The following CAPRIN1 variants were observed in gnomAD, a reference collection of about 807,000 sequenced individuals.
The protein encoded by CAPRIN1 is caprin-1.
A neutral mutation model predicts 100.9 loss-of-function variants in CAPRIN1; 29 were observed. The observed-to-expected ratio is 0.29, with a 90% confidence interval of 0.21 to 0.39. The LOEUF is 0.39. Among genes scored for constraint, CAPRIN1 ranks in the 10% least tolerant of loss-of-function variants. The pLI, the probability that CAPRIN1 is intolerant of heterozygous loss-of-function variation, is 1.00. For synonymous variants in CAPRIN1, 338 were observed against 307.5 expected, an observed-to-expected ratio of 1.10 and a Z score of -1.04; for missense variants, 795 against 876.7, an observed-to-expected ratio of 0.91 and a Z score of 1.18.
chr11:34,085,161 A>G (rs1189271475), intron 9 of CAPRIN1, among the ~76,000 whole-genome samples: 1 of 152,228 alleles, frequency 6.6e-6, no homozygotes, highest in Non-Finnish European at 1.5e-5. Context: ...TTGATGTAAT[A>G]AAAGATAGGA....
In CAPRIN1 at chr11:34,095,513, T is replaced by C. The variant is rs149589974; in HGVS notation, c.1706-966T>C. Reference sequence around the variant, plus strand: ...TAGGATTCTAACAACTATTAATGTATTTGGAGTTTCTTAAGGGTGTAAAAT... The same window carrying C: ...TAGGATTCTAACAACTATTAATGTACTTGGAGTTTCTTAAGGGTGTAAAAT... On this transcript the variant is annotated intron_variant, in intron 15 of 18. Coordinates refer to ENST00000341394, the MANE Select transcript of CAPRIN1 (RefSeq NM_005898.5). 1.5e-3 allele frequency among the ~76,000 whole-genome samples: 226 copies of C among 152,296 alleles called. 2 individuals are homozygous for C. The highest frequency in any genetic ancestry group is 5.3e-3 in the African/African-American group (219 of 41,560).
At chr11:34,079,129 G>A (rs1015478004) in intron 6 of CAPRIN1, among the ~76,000 whole-genome samples, 7 of 152,142 alleles carry the variant, frequency 4.6e-5, no homozygotes, top group Admixed American at 2.0e-4. Flanking sequence ...AGTTCAGGCC[G>A]GGCATGGTGG....
At chr11:34,097,382 A>G (rs936765663) in intron 17 of CAPRIN1, 86 bp downstream of exon 17, 4 of 1,140,818 alleles carry the variant, frequency 3.5e-6, no homozygotes, top group Non-Finnish European at 5.2e-6. Flanking sequence ...AACCTAAGTA[A>G]CTAATTTGGC....
In CAPRIN1 at chr11:34,076,480, A is replaced by C; in HGVS notation, c.605+6A>C. 1 of 1,610,786 alleles carries C rather than the reference A, an allele frequency of 6.2e-7. No homozygotes were observed. The highest frequency in any genetic ancestry group is 1.7e-5 in the Admixed American group (1 of 60,022). On this transcript the variant is annotated splice_donor_region_variant and intron_variant, in intron 5 of 18. Coordinates refer to ENST00000341394, the MANE Select transcript of CAPRIN1 (RefSeq NM_005898.5). The stretch of plus-strand genomic sequence containing the variant: ...GAACGGGACATGAGCTTGAGGTATT[A>C]GTGGTATTTGATAATAGAAACTTCT...
chr11:34,058,437 T>C (rs1850502716), intron 2 of CAPRIN1, among the ~76,000 whole-genome samples: 1 of 152,186 alleles, frequency 6.6e-6, no homozygotes, highest in Non-Finnish European at 1.5e-5. Context: ...ACACCCGGCC[T>C]CTTAAATAAT....
chr11:34,099,516 A>G lies in CAPRIN1; in HGVS notation c.*149A>G, dbSNP rs575973278. On this transcript the variant is annotated 3_prime_UTR_variant, in exon 19 of 19. Coordinates refer to ENST00000341394, the MANE Select transcript of CAPRIN1 (RefSeq NM_005898.5). ...TTCATCCCATAAAGACAGGACTACA[A>G]TTGTCAGCTTTCTATTACCTGGATA... is the stretch of plus-strand genomic sequence containing the variant. The G allele has an allele frequency of 2.1e-5, 14 of 666,268 alleles. No homozygotes were observed. The highest frequency in any genetic ancestry group is 1.9e-4 in the East Asian group (7 of 36,580). The allele number at this position is 666,268 out of a possible 1,614,324, so 41.3% of individuals were successfully genotyped here.
chr11:34,067,688 A>G (rs1006426379), intron 2 of CAPRIN1, among the ~76,000 whole-genome samples: 3 of 152,088 alleles, frequency 2.0e-5, no homozygotes, highest in Admixed American at 6.6e-5. Context: ...TTGTAGAGAC[A>G]GGTTCTCACT....
At chr11:34,062,589 C>G (rs1380381234) in intron 2 of CAPRIN1, among the ~76,000 whole-genome samples, 8 of 143,278 alleles carry the variant, frequency 5.6e-5, no homozygotes, top group Non-Finnish European at 1.0e-4. Flanking sequence ...CACGCCACTG[C>G]ACTCCAGCCT....
At chr11:34,057,471 T>C (rs1850476445) in intron 2 of CAPRIN1, among the ~76,000 whole-genome samples, 1 of 152,186 alleles carries the variant, frequency 6.6e-6, no homozygotes, top group South Asian at 2.1e-4. Context: ...GTGGCAGATA[T>C]TTGAGAATGC....
At chr11:34,052,910 G>C (rs772994728) in intron 2 of CAPRIN1, 20 of 1,307,554 alleles carry the variant, frequency 1.5e-5, no homozygotes, top group Non-Finnish European at 1.9e-5. Flanking sequence ...CGGCTTTTTG[G>C]CCTTTAGGAG....
At chr11:34,053,460 G>C (rs781278557) in intron 2 of CAPRIN1, 2 of 152,818 alleles carry the variant, frequency 1.3e-5, no homozygotes. Context: ...GGCACATGGA[G>C]AGAGCGTCTA....
chr11:34,069,626 G>C (rs1406661354), intron 2 of CAPRIN1, among the ~76,000 whole-genome samples: 1 of 151,874 alleles, frequency 6.6e-6, no homozygotes, highest in African/African-American at 2.4e-5. Flanking sequence ...TTCTGCACCT[G>C]GGGTCAGGTC....
intron 9 of CAPRIN1, 83 bp downstream of exon 9, chr11:34,083,124 T>A (rs954417501): frequency 4.4e-6 from 4 of 912,646 alleles, no homozygotes; most frequent in Non-Finnish European, 5.4e-6. Context: ...ATTAAGATTG[T>A]TTTTTGCATT....
intron 13 of CAPRIN1, 56 bp downstream of exon 13, chr11:34,090,345 A>T: frequency 7.7e-7 from 1 of 1,291,492 alleles, no homozygotes; most frequent in Non-Finnish European, 1.1e-6. Context: ...CATGAATTGA[A>T]CAGATGTACA....
At chr11:34,055,219 G>A (rs1850424691) in intron 2 of CAPRIN1, among the ~76,000 whole-genome samples, 1 of 151,990 alleles carries the variant, frequency 6.6e-6, no homozygotes, top group East Asian at 1.9e-4. Context: ...GCTGGAGTGC[G>A]GTAGGATGAT....
At chr11:34,084,073 A>G (rs1012447662) in intron 9 of CAPRIN1, among the ~76,000 whole-genome samples, 13 of 152,134 alleles carry the variant, frequency 8.5e-5, no homozygotes, top group South Asian at 2.1e-4. Flanking sequence ...TCAAGAAGAA[A>G]AAAACCCATT....
Position 34,099,320 on chromosome 11 carries a change from A to G in CAPRIN1, c.2083A>G (p.Arg695Gly). The change falls in exon 19 of 19, where the codon AGA becomes GGA. Residue 695 changes from arginine (R) to glycine (G), a missense_variant. This residue lies in a region of CAPRIN1 where 648 missense variants were observed against 697.9 expected (regional missense o/e 0.93). Transcript: ENST00000341394. ...TCTTCTAGGTCGTGGAGGGCCCCCA[A>G]GACCCAACAGAGGGATGCCGCAAAT... ...GAPRGRGGPP[R>G]PNRGMPQMNT... is the part of the protein sequence containing the mutation. 1 of 1,613,910 alleles carries G rather than the reference A, an allele frequency of 6.2e-7. No homozygotes were observed. The highest frequency in any genetic ancestry group is 8.5e-7 in the Non-Finnish European group (1 of 1,179,786).
At chr11:34,060,177 CAG>C (rs1460391261) in intron 2 of CAPRIN1, among the ~76,000 whole-genome samples, 2 of 105,974 alleles carry the variant, frequency 1.9e-5, no homozygotes, top group Non-Finnish European at 3.4e-5. Context: ...GCCTGGGCAA[CAG>C]AGTGATACTC....
Position 34,076,384 on chromosome 11 carries a change from T to A in CAPRIN1, c.515T>A (p.Leu172Ter). ...GTGCGGACTGACCTGAAACAAGGTT[T>A]GAATGGAGTGCCAATATTGTCCGAA... ...DEVRTDLKQG[L>*]NGVPILSEEE... The change falls in exon 5 of 19, where the codon TTG becomes TAG. Residue 172 changes from leucine to a stop codon, truncating the protein, a stop_gained. Coordinates refer to ENST00000341394, the MANE Select transcript of CAPRIN1 (RefSeq NM_005898.5). LOFTEE classifies it high-confidence loss of function. 1 of 1,614,222 alleles carries A rather than the reference T, an allele frequency of 6.2e-7. No homozygotes were observed. Among genetic ancestry groups the A allele is most frequent in the Non-Finnish European group, 8.5e-7 (1 of 1,180,040 alleles).
Sources: allele counts gnomAD v4.1 joint callset (sites outside exome capture counted in the v4.1 genomes callset), GRCh38; gene constraint gnomAD v4.1.1; regional missense constraint gnomAD v4.1.1; transcripts MANE v1.5; gene names NCBI Gene and HGNC (gene_info 2026-07-23, HGNC 2026-07-21).